BAIAP2L1: variants seen among roughly 807,000 people sequenced by gnomAD.
BAIAP2L1 encodes the protein BAR/IMD domain containing adaptor protein 2 like 1, also known as BAR/IMD domain-containing adapter protein 2-like 1.
In BAIAP2L1, 35 loss-of-function variants were observed where a neutral mutation model predicts 66.3. The observed-to-expected ratio is 0.53, with a 90% CI of 0.40 to 0.70. BAIAP2L1 has a LOEUF of 0.70. Among genes scored for constraint, BAIAP2L1 ranks in the 30% least tolerant of loss-of-function variants. BAIAP2L1 has a pLI of 0.00. For synonymous variants in BAIAP2L1, 269 were observed against 248.7 expected, an observed-to-expected ratio of 1.08 and a Z score of -0.77; for missense variants, 622 against 656.9, an observed-to-expected ratio of 0.95 and a Z score of 0.58.
At position 98,307,749 on chromosome 7, in the gene BAIAP2L1, G is replaced by C. The variant is rs199901153; in HGVS notation, c.1103C>G (p.Thr368Arg). The change falls in exon 10 of 14, where the codon ACG (threonine) becomes AGG (arginine). Residue 368 changes from threonine to arginine, a missense_variant. By Grantham distance (71) the Thr-to-Arg change is moderately conservative (BLOSUM62 -1). Transcript: ENST00000005260. The stretch of plus-strand genomic sequence containing the variant: ...ATCCTTCTCCTCGGGGATGAGCAGC[G>C]TGATGACATCTCCCTGTGCAAAGCT... ...LLSFAQGDVITLLIPEEKDGW... is the reference protein window; with the variant it reads ...LLSFAQGDVIRLLIPEEKDGW... 6 of 1,614,102 alleles carry C rather than the reference G, an allele frequency of 3.7e-6. No individual in the cohort carries two copies. The highest frequency in any genetic ancestry group is 5.1e-6 in the Non-Finnish European group (6 of 1,180,054).
chr7:98,343,282 C>G (rs1461560027), intron 3 of BAIAP2L1, among the ~76,000 whole-genome samples: 1 of 149,250 alleles, frequency 6.7e-6, no homozygotes, highest in Admixed American at 6.7e-5. Context: ...CACACACACA[C>G]ACACAGACAC....
Position 98,400,949 on chromosome 7 carries a change from G to C in BAIAP2L1, c.-97C>G. On this transcript the variant is annotated 5_prime_UTR_variant, in exon 1 of 14. Transcript: ENST00000005260. ...GGGAGGGCCGGGGCGCGACTAAGGG[G>C]CTCTGGAGGGTCGGCCGCCGCCGCA... The C allele has an allele frequency of 8.7e-7, 1 of 1,152,318 alleles. No individual in the cohort carries two copies. The highest frequency in any genetic ancestry group is 1.1e-6 in the Non-Finnish European group (1 of 884,490). 71.4% of individuals were successfully genotyped at this position (1,152,318 alleles called of 1,614,324 possible). A position where few individuals can be genotyped will look rare whatever the true frequency, so the allele number is the denominator to read the frequency against.
intron 1 of BAIAP2L1, among the ~76,000 whole-genome samples, chr7:98,377,752 G>A (rs1421743872): frequency 1.4e-5 from 2 of 147,118 alleles, no homozygotes; most frequent in South Asian, 2.2e-4. Flanking sequence ...TCAGGAGGCA[G>A]AGGCTGCAGT....
At position 98,344,772 on chromosome 7, in the gene BAIAP2L1, T is replaced by A. The variant is rs376589081; in HGVS notation, c.214+10270A>T. On this transcript the variant is annotated intron_variant, in intron 3 of 13. Coordinates refer to ENST00000005260, the MANE Select transcript of BAIAP2L1 (RefSeq NM_018842.5). The stretch of plus-strand genomic sequence containing the variant: ...CAACATGGTGAAACCCCGTCTCTAC[T>A]AAAAATGCAAAAAATTAGCCAGGCG... Among the ~76,000 whole-genome samples, 17 of 150,890 alleles carry A rather than the reference T, an allele frequency of 1.1e-4. No individual in the cohort carries two copies. The South Asian group carries it at 3.4e-3, about 30-fold the overall frequency.
intron 3 of BAIAP2L1, among the ~76,000 whole-genome samples, chr7:98,344,924 G>A (rs887314274): frequency 7.2e-5 from 11 of 152,266 alleles, no homozygotes; most frequent in East Asian, 3.9e-4. Context: ...CAACAAGAGC[G>A]AAACTCTGTC....
At chr7:98,385,282 C>G (rs1164874284) in intron 1 of BAIAP2L1, among the ~76,000 whole-genome samples, 1 of 152,014 alleles carries the variant, frequency 6.6e-6, no homozygotes, top group Non-Finnish European at 1.5e-5. Context: ...GCACTCCAGC[C>G]TGGGTGACAG....
At chr7:98,367,672 A>C (rs1430595543) in intron 1 of BAIAP2L1, among the ~76,000 whole-genome samples, 1 of 151,766 alleles carries the variant, frequency 6.6e-6, no homozygotes, top group Non-Finnish European at 1.5e-5. Flanking sequence ...AGTAGCTGGG[A>C]CTACAGGCAC....
intron 1 of BAIAP2L1, among the ~76,000 whole-genome samples, chr7:98,392,592 G>A (rs569672014): frequency 1.1e-4 from 17 of 152,284 alleles, no homozygotes; most frequent in African/African-American, 4.1e-4. Context: ...TGGCTGAGCT[G>A]TAATAGCAAA....
At position 98,349,993 on chromosome 7, in the gene BAIAP2L1, A is replaced by T. The variant is rs1027684593; in HGVS notation, c.214+5049T>A. Among the ~76,000 whole-genome samples the T allele has an allele frequency of 1.5e-4, 23 of 152,040 alleles. No individual in the cohort carries two copies. In the South Asian group the frequency reaches 2.1e-3, roughly 14 times the overall value. ...AATCGCCAGGCATGGTGGTGTATGC[A>T]TATGTCCCATCTACAAGGGAGGCTG... On this transcript the variant is annotated intron_variant, in intron 3 of 13. Coordinates refer to ENST00000005260, the MANE Select transcript of BAIAP2L1 (RefSeq NM_018842.5).
chr7:98,368,646 G>A (rs964655038), intron 1 of BAIAP2L1, among the ~76,000 whole-genome samples: 2 of 152,004 alleles, frequency 1.3e-5, no homozygotes, highest in Non-Finnish European at 1.5e-5. Context: ...AGTCGAGATC[G>A]CACCACTGCA....
At chr7:98,397,418 T>C (rs919065749) in intron 1 of BAIAP2L1, among the ~76,000 whole-genome samples, 1 of 145,920 alleles carries the variant, frequency 6.9e-6, no homozygotes, top group African/African-American at 2.5e-5. Flanking sequence ...TCTAACTCCC[T>C]GGTTCAAGCG....
intron 12 of BAIAP2L1, among the ~76,000 whole-genome samples, chr7:98,301,031 T>G (rs748147124): frequency 2.0e-4 from 30 of 152,158 alleles, no homozygotes; most frequent in Non-Finnish European, 3.2e-4. Context: ...CATTCCTCTT[T>G]GTGTCCTGAG....
chr7:98,301,399 G>C (rs1800412822), intron 12 of BAIAP2L1, among the ~76,000 whole-genome samples: 1 of 151,592 alleles, frequency 6.6e-6, no homozygotes, highest in Non-Finnish European at 1.5e-5. Context: ...TGGGGCTTTT[G>C]AATGTTCTTG....
intron 1 of BAIAP2L1, among the ~76,000 whole-genome samples, chr7:98,373,924 G>T (rs1002245906): frequency 1.3e-5 from 2 of 152,084 alleles, no homozygotes; most frequent in Non-Finnish European, 2.9e-5. Flanking sequence ...GACATTGAAG[G>T]TGTTATGATC....
chr7:98,351,817 G>A (rs1198091307), intron 3 of BAIAP2L1, among the ~76,000 whole-genome samples: 2 of 152,188 alleles, frequency 1.3e-5, no homozygotes, highest in East Asian at 1.9e-4. Flanking sequence ...TGAGTGAGCC[G>A]ATGCCAGGAG....
intron 1 of BAIAP2L1, among the ~76,000 whole-genome samples, chr7:98,387,461 T>C (rs954911553): frequency 6.6e-6 from 1 of 151,882 alleles, no homozygotes; most frequent in Non-Finnish European, 1.5e-5. Flanking sequence ...CACCAAAGAG[T>C]TGGTGATGAT....
intron 3 of BAIAP2L1, among the ~76,000 whole-genome samples, chr7:98,350,812 G>A (rs1801983847): frequency 6.6e-6 from 1 of 151,968 alleles, no homozygotes; most frequent in Non-Finnish European, 1.5e-5. Flanking sequence ...TGGTCTTCTG[G>A]GGGAAAAAAG....
At chr7:98,364,018 CTT>C (rs34058753) in intron 1 of BAIAP2L1, among the ~76,000 whole-genome samples, 7 of 149,450 alleles carry the variant, frequency 4.7e-5, no homozygotes, top group Non-Finnish European at 7.4e-5. Flanking sequence ...TTTGAATATT[CTT>C]TTTTTTTTTA....
chr7:98,316,675 TG>T (rs1801084930), intron 6 of BAIAP2L1, among the ~76,000 whole-genome samples: 2 of 152,196 alleles, frequency 1.3e-5, no homozygotes, highest in Admixed American at 1.3e-4. Context: ...AATGCATCGC[TG>T]TTAACTATAG....
Sources: allele counts gnomAD v4.1 joint callset (sites outside exome capture counted in the v4.1 genomes callset), GRCh38; gene constraint gnomAD v4.1.1; transcripts MANE v1.5; gene names NCBI Gene and HGNC (gene_info 2026-07-23, HGNC 2026-07-21).